The following OSBPL8 variants were observed in gnomAD, a reference collection of about 807,000 sequenced individuals.
The protein encoded by OSBPL8 is oxysterol-binding protein-related protein 8.
In OSBPL8, 59 loss-of-function variants were observed where a neutral mutation model predicts 125.5. That is an observed-to-expected ratio of 0.47 (90% confidence interval 0.38 to 0.58). The LOEUF (loss-of-function observed/expected upper bound fraction) is 0.58, where lower values mean the gene tolerates loss of function less well. OSBPL8 is among the 20% of genes least tolerant of loss of function. The pLI is 0.00. For synonymous variants in OSBPL8, 330 were observed against 338.9 expected (o/e 0.97, Z 0.29); for missense variants, 758 against 1,047.8 (o/e 0.72, Z 3.82).
Position 76,373,330 on chromosome 12 carries a change from T to C in OSBPL8, c.1917+14A>G. ...TAAAATTCTTTTTGTAAAGCTCATATACAAAATACTTACCCAATGACCTTC... is the reference window on the plus strand; with the variant it reads ...TAAAATTCTTTTTGTAAAGCTCATACACAAAATACTTACCCAATGACCTTC... On this transcript the variant is annotated intron_variant, in intron 18 of 23. Transcript: ENST00000261183. 1 of 1,521,182 alleles carries C rather than the reference T, an allele frequency of 6.6e-7. No individual in the cohort carries two copies. Among genetic ancestry groups the C allele is most frequent in the East Asian group, 2.3e-5 (1 of 43,972 alleles). 94.2% of individuals were successfully genotyped at this position (1,521,182 alleles called of 1,614,324 possible).
intron 16 of OSBPL8, among the ~76,000 whole-genome samples, chr12:76,377,746 T>C (rs946445699): frequency 3.3e-5 from 5 of 152,326 alleles, no homozygotes; most frequent in East Asian, 1.9e-4. Context: ...TGCAAAATAG[T>C]TGAAAGTTCA....
intron 2 of OSBPL8, among the ~76,000 whole-genome samples, chr12:76,469,867 G>A (rs866413585): frequency 4.4e-4 from 67 of 151,400 alleles, no homozygotes; most frequent in African/African-American, 1.6e-3. Context: ...GCACCATTGT[G>A]GACACTCAGC....
At chr12:76,408,899 A>G (rs1296106595) in intron 5 of OSBPL8, among the ~76,000 whole-genome samples, 1 of 152,076 alleles carries the variant, frequency 6.6e-6, no homozygotes, top group African/African-American at 2.4e-5. Context: ...TGTGGTATGT[A>G]GGTCTTTGTG....
intron 3 of OSBPL8, among the ~76,000 whole-genome samples, chr12:76,459,187 T>A (rs993683772): frequency 6.6e-6 from 1 of 152,178 alleles, no homozygotes; most frequent in Admixed American, 6.5e-5. Context: ...TTTCTGAAGT[T>A]CCTTTCACCT....
At chr12:76,553,757 C>G (rs1011265638) in intron 1 of OSBPL8, among the ~76,000 whole-genome samples, 3 of 151,546 alleles carry the variant, frequency 2.0e-5, no homozygotes, top group Admixed American at 2.0e-4. Flanking sequence ...AGGTGGATCA[C>G]TTTACGTCAG....
chr12:76,413,570 A>G (rs1027830892), intron 4 of OSBPL8, among the ~76,000 whole-genome samples: 2 of 152,208 alleles, frequency 1.3e-5, no homozygotes, highest in Non-Finnish European at 2.9e-5. Context: ...CTTTATACCA[A>G]ACTATGCAAA....
chr12:76,380,537 A>AAAC (rs1555209811), intron 15 of OSBPL8, among the ~76,000 whole-genome samples: 2 of 151,178 alleles, frequency 1.3e-5, no homozygotes, highest in African/African-American at 4.9e-5. Flanking sequence ...CCAAAAAAAA[A>AAAC]AAAAAAAAAA....
chr12:76,456,469 G>A (rs1183979819), intron 3 of OSBPL8, among the ~76,000 whole-genome samples: 1 of 152,116 alleles, frequency 6.6e-6, no homozygotes, highest in Admixed American at 6.5e-5. Flanking sequence ...TGGCCAACAC[G>A]GTGAAACCCC....
chr12:76,377,548 T>A (rs1308445854), intron 16 of OSBPL8, among the ~76,000 whole-genome samples: 1 of 152,234 alleles, frequency 6.6e-6, no homozygotes, highest in Non-Finnish European at 1.5e-5. Context: ...TTTTTTCATG[T>A]TGGTCACATA....
chr12:76,420,062 C>T (rs1023671515), intron 4 of OSBPL8, among the ~76,000 whole-genome samples: 2 of 152,058 alleles, frequency 1.3e-5, no homozygotes, highest in African/African-American at 4.8e-5. Flanking sequence ...ACTGATAAGG[C>T]GTTATCTTTT....
intron 21 of OSBPL8, among the ~76,000 whole-genome samples, chr12:76,368,374 T>G (rs1952498562): frequency 3.3e-5 from 5 of 152,188 alleles, no homozygotes; most frequent in Admixed American, 3.3e-4. Flanking sequence ...GTGGTGTGGG[T>G]CTCTCTGAGA....
intron 1 of OSBPL8, among the ~76,000 whole-genome samples, chr12:76,495,051 T>C (rs1879134985): frequency 6.6e-6 from 1 of 152,206 alleles, no homozygotes; most frequent in South Asian, 2.1e-4. Flanking sequence ...CAGTGTTACC[T>C]GCCTCAACAG....
chr12:76,481,179 C>T (rs1245846558), intron 2 of OSBPL8, among the ~76,000 whole-genome samples: 1 of 152,180 alleles, frequency 6.6e-6, no homozygotes, highest in Non-Finnish European at 1.5e-5. Flanking sequence ...TTTTAGATTT[C>T]TGACTTCCAG....
At chr12:76,430,862 A>G (rs1278110264) in intron 4 of OSBPL8, among the ~76,000 whole-genome samples, 5 of 152,200 alleles carry the variant, frequency 3.3e-5, no homozygotes, top group African/African-American at 4.8e-5. Context: ...CTGCCTTACA[A>G]TAAGTGCCAG....
chr12:76,461,347 T>C (rs559193727), intron 2 of OSBPL8, among the ~76,000 whole-genome samples: 2 of 152,300 alleles, frequency 1.3e-5, no homozygotes, highest in Admixed American at 1.3e-4. Context: ...GTCAGCCTTG[T>C]AGAGAGGCCC....
intron 1 of OSBPL8, among the ~76,000 whole-genome samples, chr12:76,509,503 G>A (rs1056758666): frequency 8.5e-5 from 13 of 152,120 alleles, no homozygotes; most frequent in African/African-American, 3.1e-4. Context: ...TAAGTGAATT[G>A]CTTGATTAAA....
intron 22 of OSBPL8, among the ~76,000 whole-genome samples, chr12:76,357,198 T>C (rs1173482158): frequency 6.6e-6 from 1 of 152,188 alleles, no homozygotes; most frequent in Non-Finnish European, 1.5e-5. Flanking sequence ...ATTCCCTACA[T>C]ATGCATTCCT....
chr12:76,373,850 CAAACA>C (rs58136599), intron 17 of OSBPL8, among the ~76,000 whole-genome samples: 2,114 of 151,960 alleles, frequency 0.014, 41 homozygotes, highest in African/African-American at 0.044. Flanking sequence ...AAAAAACAAA[CAAACA>C]AAAGTAAAAT....
chr12:76,384,226 G>A (rs1051039338), intron 15 of OSBPL8, 28 bp downstream of exon 15: 1 of 1,312,032 alleles, frequency 7.6e-7, no homozygotes, highest in Non-Finnish European at 1.1e-6. Context: ...TCCCAGGAGA[G>A]GGTGCAAGTT....
Sources: gnomAD v4.1 joint callset for allele counts (sites outside exome capture counted in the v4.1 genomes callset) on GRCh38, gnomAD v4.1.1 for gene constraint, MANE v1.5 for transcripts, NCBI Gene and HGNC (gene_info 2026-07-23, HGNC 2026-07-21) for gene names.